Variants in EXPH5 observed in about 807,000 individuals in gnomAD.
EXPH5 encodes the protein exophilin 5.
In EXPH5, 42 loss-of-function variants were observed where a neutral mutation model predicts 41.1. The ratio of observed to expected loss-of-function variants is 1.02; its 90% CI spans 0.80 to 1.32. The LOEUF is 1.32. Ranked by LOEUF, EXPH5 falls within the 40% of genes most tolerant of loss-of-function variation. EXPH5 has a pLI of 0.00. For missense variants in EXPH5, 2,298 were observed against 2,314.5 expected (o/e 0.99, Z 0.15); for synonymous variants, 798 against 833.5 (o/e 0.96, Z 0.73).
intron 4 of EXPH5, among the ~76,000 whole-genome samples, chr11:108,521,741 T>G (rs2093766174): frequency 6.6e-6 from 1 of 152,196 alleles, no homozygotes; most frequent in South Asian, 2.1e-4. Flanking sequence ...GTTACAGATC[T>G]TATAAGTCCT....
At chr11:108,538,932 A>G (rs545982323) in intron 3 of EXPH5, 92 bp downstream of exon 3, 1 of 1,151,822 alleles carries the variant, frequency 8.7e-7, no homozygotes, top group African/African-American at 1.5e-5. Context: ...AAATTCTAAG[A>G]ACAAACATTA....
At position 108,571,105 on chromosome 11, in the gene EXPH5, A is replaced by T. The variant is rs564691242; in HGVS notation, c.119+22313T>A. ...CTCAGCTCGGTGGAACTGGGAATAC[A>T]AAGAGCTGGGTAGAGCTGTCTGAGG... On this transcript the variant is annotated intron_variant, in intron 1 of 5. Coordinates refer to ENST00000265843, the MANE Select transcript of EXPH5 (RefSeq NM_015065.3). Among the ~76,000 whole-genome samples the T allele has an allele frequency of 3.3e-5, 5 of 152,280 alleles. No homozygotes were observed. In the East Asian group the frequency reaches 9.6e-4, roughly 29 times the overall value.
chr11:108,562,265 GTTTTTT>G (rs35527615), intron 1 of EXPH5, among the ~76,000 whole-genome samples: 5 of 104,602 alleles, frequency 4.8e-5, no homozygotes, highest in Admixed American at 3.8e-4. Context: ...TTTTTTCTGT[GTTTTTT>G]TTTTTTTTTT....
At chr11:108,521,111 C>G (rs2093762519) in intron 4 of EXPH5, among the ~76,000 whole-genome samples, 1 of 152,176 alleles carries the variant, frequency 6.6e-6, no homozygotes, top group South Asian at 2.1e-4. Context: ...TCAGCTCACT[C>G]TGCTACCCAG....
intron 4 of EXPH5, among the ~76,000 whole-genome samples, chr11:108,526,135 C>T (rs2093797148): frequency 6.6e-6 from 1 of 151,684 alleles, no homozygotes; most frequent in Non-Finnish European, 1.5e-5. Flanking sequence ...GTTGCCCAAG[C>T]TGGTCTCAAA....
Position 108,514,324 on chromosome 11 carries a change from T to C in EXPH5, c.1183A>G (p.Met395Val), listed in dbSNP as rs553918296. The change falls in exon 6 of 6, where the codon ATG becomes GTG. Residue 395 changes from methionine (M) to valine (V), a missense_variant. Met to Val is a conservative substitution (Grantham distance 21). Transcript: ENST00000265843. The part of the protein sequence containing the change: ...QEEFLRAPSP[M>V]EIDPADKYVY... ...TACTTGTCAGCGGGATCAATTTCCA[T>C]TGGTGATGGTGCCCTCAGGAACTCT... The C allele has an allele frequency of 1.7e-5, 28 of 1,613,298 alleles. No homozygotes were observed. The African/African-American group carries it at 2.1e-4, about 12-fold the overall frequency.
At position 108,514,649 on chromosome 11, in the gene EXPH5, G is replaced by T. The variant is rs754551294; in HGVS notation, c.858C>A (p.Thr286=). The change falls in exon 6 of 6, where the codon ACC becomes ACA. Residue 286 remains threonine, a synonymous_variant. Transcript: ENST00000265843. The part of the protein sequence containing the change: ...RPGTPREGFK[T]FSPRTSTIYD... ...AAATTGTGCTTGTCCTAGGAGAAAA[G>T]GTTTTAAAACCTTCCCTAGGAGTTC... 3.7e-6 allele frequency: 6 copies of T among 1,605,414 alleles called. No individual in the cohort carries two copies. Among genetic ancestry groups the T allele is most frequent in the Non-Finnish European group, 5.1e-6 (6 of 1,176,910 alleles).
chr11:108,530,811 G>A (rs1160982214), intron 3 of EXPH5, among the ~76,000 whole-genome samples: 5 of 152,294 alleles, frequency 3.3e-5, no homozygotes, highest in Non-Finnish European at 5.9e-5. Context: ...AGGGCGTGCC[G>A]CTAGTGGAAG....
At chr11:108,567,412 A>G (rs2094039223) in intron 1 of EXPH5, among the ~76,000 whole-genome samples, 1 of 152,208 alleles carries the variant, frequency 6.6e-6, no homozygotes, top group African/African-American at 2.4e-5. Flanking sequence ...TGCCACTTCA[A>G]TGCCAGCCTC....
At chr11:108,596,084 A>G (rs1418679930), upstream of EXPH5, among the ~76,000 whole-genome samples, 2 of 151,974 alleles carry the variant, frequency 1.3e-5, no homozygotes, top group African/African-American at 2.4e-5. Flanking sequence ...AGTCCCAGCT[A>G]CTCGGGAGGC....
At position 108,539,141 on chromosome 11, in the gene EXPH5, T is replaced by C. The variant is rs1420198157; in HGVS notation, c.326A>G (p.Gln109Arg). The C allele has an allele frequency of 1.2e-6, 2 of 1,610,926 alleles. No individual in the cohort carries two copies. The highest frequency in any genetic ancestry group is 4.5e-5 in the East Asian group (2 of 44,858). The change falls in exon 3 of 6, where the codon CAA (glutamine) becomes CGA (arginine). Residue 109 changes from glutamine to arginine, a missense_variant. Transcript: ENST00000265843. Reference protein sequence around the residue: ...PTSRSKNVTNQKKPTPFSSRM... With the variant: ...PTSRSKNVTNRKKPTPFSSRM... ...GGAAGAAAAAGGTGTCGGCTTTTTT[T>C]GATTAGTTACATTTTTAGATCTTGA...
At chr11:108,518,683 C>T (rs576289544) in intron 4 of EXPH5, among the ~76,000 whole-genome samples, 27 of 152,278 alleles carry the variant, frequency 1.8e-4, no homozygotes, top group African/African-American at 5.8e-4. Context: ...AACTCCATCT[C>T]GAATAGGGGC....
At chr11:108,581,603 G>A (rs1405386716) in intron 1 of EXPH5, among the ~76,000 whole-genome samples, 1 of 151,782 alleles carries the variant, frequency 6.6e-6, no homozygotes. Flanking sequence ...CTTAAGAAAT[G>A]AGAAAAAAAT....
Position 108,511,733 on chromosome 11 carries a change from C to T in EXPH5, c.3774G>A (p.Arg1258=). The change falls in exon 6 of 6, where the codon AGG becomes AGA. Residue 1258 remains arginine, a synonymous_variant. Coordinates refer to ENST00000265843, the MANE Select transcript of EXPH5 (RefSeq NM_015065.3). The part of the protein sequence containing the change: ...EVVSIYYTLP[R]KPSKKFCNLL... ...GGTTACAGAATTTTTTGCTGGGTTT[C>T]CTCGGTAGAGTGTAATATATTGAGA... 6.2e-7 allele frequency: 1 copy of T among 1,609,092 alleles called. No individual in the cohort carries two copies. The highest frequency in any genetic ancestry group is 1.1e-5 in the South Asian group (1 of 89,688).
At chr11:108,517,579 T>C (rs2093734833) in intron 5 of EXPH5, among the ~76,000 whole-genome samples, 1 of 152,246 alleles carries the variant, frequency 6.6e-6, no homozygotes, top group African/African-American at 2.4e-5. Flanking sequence ...TATAATAAGA[T>C]ACATGTGCAT....
chr11:108,603,799 A>G, the EXPH5 span, among the ~76,000 whole-genome samples: 1 of 152,226 alleles, frequency 6.6e-6, no homozygotes, highest in Admixed American at 6.5e-5. Context: ...TATGACCTCC[A>G]CCTGTGGGCA....
At chr11:108,524,871 G>C (rs1337351723) in intron 4 of EXPH5, among the ~76,000 whole-genome samples, 2 of 152,176 alleles carry the variant, frequency 1.3e-5, no homozygotes, top group Admixed American at 1.3e-4. Context: ...TGTTCAGTTT[G>C]TGCCAGGCAG....
intron 4 of EXPH5, among the ~76,000 whole-genome samples, chr11:108,525,373 G>T (rs1171199253): frequency 6.6e-6 from 1 of 152,202 alleles, no homozygotes; most frequent in African/African-American, 2.4e-5. Context: ...ACAGTAGCCA[G>T]AGTTTGTTCA....
chr11:108,567,297 C>A (rs2094038719), intron 1 of EXPH5, among the ~76,000 whole-genome samples: 1 of 152,200 alleles, frequency 6.6e-6, no homozygotes, highest in African/African-American at 2.4e-5. Flanking sequence ...CGTATTCCAA[C>A]TCCTGATTAT....
Sources: allele counts gnomAD v4.1 joint callset (sites outside exome capture counted in the v4.1 genomes callset), GRCh38; gene constraint gnomAD v4.1.1; transcripts MANE v1.5; gene names NCBI Gene and HGNC (gene_info 2026-07-23, HGNC 2026-07-21).